Variants in RNH1 observed in about 807,000 individuals in gnomAD.
RNH1 encodes the protein ribonuclease/angiogenin inhibitor 1.
RNH1 carries 38 observed loss-of-function variants against 46.1 expected under a neutral mutation model. That is an observed-to-expected ratio of 0.82 (90% CI 0.64 to 1.08). RNH1 has a LOEUF of 1.08. Ranked by LOEUF, RNH1 falls within the 50% of genes least tolerant of loss-of-function variation. The pLI, the probability that RNH1 is intolerant of heterozygous loss-of-function variation, is 0.00. For missense variants in RNH1, 577 were observed against 590.7 expected (o/e 0.98, Z 0.24); for synonymous variants, 319 against 279.1 (o/e 1.14, Z -1.43).
At position 498,085 on chromosome 11, in the gene RNH1, G is replaced by A. The variant is rs1201199286; in HGVS notation, c.1013C>T (p.Ala338Val). The change falls in exon 9 of 11, where the codon GCC becomes GTC. Residue 338 changes from alanine (A) to valine (V), a missense_variant. Ala to Val is a moderately conservative substitution (Grantham distance 64). Coordinates refer to ENST00000354420, the MANE Select transcript of RNH1 (RefSeq NM_203387.3). ...ACCSHFSSVL[A>V]QNRFLLELQI... ...TAGCTCCAGGAGAAACCTGTTCTGG[G>A]CCAGCACTGAGCTGAAGTGGGAGCA... The A allele has an allele frequency of 1.6e-5, 26 of 1,613,992 alleles. No individual in the cohort carries two copies. Among genetic ancestry groups the A allele is most frequent in the Non-Finnish European group, 2.1e-5 (25 of 1,180,052 alleles).
rs1195154964 is a variant in RNH1, at chr11:502,568, G to C, written c.-87-319C>G. 4.0e-6 allele frequency: 1 copy of C among 250,522 alleles called. No individual in the cohort carries two copies. The highest frequency in any genetic ancestry group is 8.0e-6 in the Non-Finnish European group (1 of 124,788). The allele number at this position is 250,522 out of a possible 1,614,324, so 15.5% of individuals were successfully genotyped here. A position where few individuals can be genotyped will look rare whatever the true frequency, so the allele number is the denominator to read the frequency against. ...CTTGGGCAAGGACAGGGTAGGGTGG[G>C]GTGGTCTGTGAGCCTGGAGGCCCCA... On this transcript the variant is annotated intron_variant, in intron 2 of 10. Transcript: ENST00000354420. The surrounding 1 kb of genome is among the most constrained non-coding windows in gnomAD (Gnocchi z 5.8).
Position 501,836 on chromosome 11 carries a change from G to A in RNH1, c.101+226C>T, listed in dbSNP as rs982946432. On this transcript the variant is annotated intron_variant, in intron 3 of 10. Coordinates refer to ENST00000354420, the MANE Select transcript of RNH1 (RefSeq NM_203387.3). This position sits in a 1 kb window ranked among gnomAD's most constrained non-coding sequence, Gnocchi z 4.1. ...CCACTGGCCAGTGGCCGCCCACCTC[G>A]GCCCGCCCACCTCAGCCCATGCTGC... 88 of 556,078 alleles carry A rather than the reference G, an allele frequency of 1.6e-4. No homozygotes were observed. In the Admixed American group the frequency reaches 2.3e-3, roughly 14 times the overall value. 34.4% of individuals were successfully genotyped at this position (556,078 alleles called of 1,614,324 possible).
intron 5 of RNH1, chr11:499,502 TCC>T: frequency 1.4e-6 from 1 of 694,624 alleles, no homozygotes; most frequent in Non-Finnish European, 2.6e-6. Flanking sequence ...AATGGCCGGG[TCC>T]CCCACACACA....
chr11:502,368 G>A lies in RNH1; in HGVS notation c.-87-119C>T, dbSNP rs990203662. 3.3e-5 allele frequency: 20 copies of A among 604,152 alleles called. 1 individual carries two copies. Among genetic ancestry groups the A allele is most frequent in the South Asian group, 2.7e-4 (14 of 52,424 alleles). The allele number at this position is 604,152 out of a possible 1,614,324, so 37.4% of individuals were successfully genotyped here. A position where few individuals can be genotyped will look rare whatever the true frequency, so the allele number is the denominator to read the frequency against. On this transcript the variant is annotated intron_variant, in intron 2 of 10. Transcript: ENST00000354420. The surrounding 1 kb of genome is among the most constrained non-coding windows in gnomAD (Gnocchi z 5.8). ...CTCTGGAGCAGACATCAGGGGTGGG[G>A]CAGGGGGCAGGGACCAGCACCCACC...
At chr11:497,671 ACGTGCTCACCCATGTGCT>A (rs1565020105) in intron 9 of RNH1, among the ~76,000 whole-genome samples, 1 of 109,312 alleles carries the variant, frequency 9.1e-6, no homozygotes, top group Non-Finnish European at 1.9e-5. Flanking sequence ...GCTCACACAC[ACGTGCTCACCCATGTGCT>A]CACACACGGA....
intron 9 of RNH1, 61 bp downstream of exon 9, chr11:497,910 G>A (rs534678727): frequency 6.4e-7 from 1 of 1,559,354 alleles, no homozygotes; most frequent in Non-Finnish European, 8.7e-7. Context: ...TCTCGCCCTT[G>A]TGTGCACACA....
Position 499,653 on chromosome 11 carries a change from G to C in RNH1, c.443+176C>G, listed in dbSNP as rs569028517. The C allele has an allele frequency of 1.7e-4, 130 of 774,770 alleles. No individual in the cohort carries two copies. In the African/African-American group the frequency reaches 2.5e-3, roughly 15 times the overall value. The allele number at this position is 774,770 out of a possible 1,614,324, so 48.0% of individuals were successfully genotyped here. A position where few individuals can be genotyped will look rare whatever the true frequency, so the allele number is the denominator to read the frequency against. ...ATCCCCCCAGCCCCAGCATCATGGG[G>C]AGAGGAGAGCACCACAAGGCCCCAG... On this transcript the variant is annotated intron_variant, in intron 5 of 10. Transcript: ENST00000354420.
intron 9 of RNH1, 42 bp downstream of exon 9, chr11:497,929 T>C: frequency 1.3e-6 from 2 of 1,587,920 alleles, no homozygotes. Flanking sequence ...CACGGGCATA[T>C]GATCTCCCAA....
At position 498,615 on chromosome 11, in the gene RNH1, A is replaced by G. The variant is rs2133890188; in HGVS notation, c.798T>C (p.Cys266=). ...CCCCGCAGCCCTTGGCAGTGATGCCACACTCCCAGATCCTGCAGGACATGG... is the reference window on the plus strand; with the variant it reads ...CCCCGCAGCCCTTGGCAGTGATGCCGCACTCCCAGATCCTGCAGGACATGG... The part of the protein sequence containing the change: ...SRLRTLWIWE[C]GITAKGCGDL... Residue 266 remains cysteine (C), a synonymous_variant, in exon 8 of 11, where the codon TGT becomes TGC. Transcript: ENST00000354420. 6.2e-7 allele frequency: 1 copy of G among 1,612,420 alleles called. No individual in the cohort carries two copies. The highest frequency in any genetic ancestry group is 8.5e-7 in the Non-Finnish European group (1 of 1,180,002).
Position 497,959 on chromosome 11 carries a change from TCA to T in RNH1, c.1127+10_1127+11del, listed in dbSNP as rs747554530. 6.2e-6 allele frequency: 10 copies of T among 1,610,684 alleles called. No individual in the cohort carries two copies. The highest frequency in any genetic ancestry group is 1.7e-4 in the Middle Eastern group (1 of 5,988). On this transcript the variant is annotated intron_variant, in intron 9 of 10. Coordinates refer to ENST00000354420, the MANE Select transcript of RNH1 (RefSeq NM_203387.3). ...TCCCAAATGTGCATACTCGTGTCCCTCACACACTCACCAGAGCACCCGCAGCA... is the reference window on the plus strand; with the variant it reads ...TCCCAAATGTGCATACTCGTGTCCCTCACACTCACCAGAGCACCCGCAGCA...
rs1848859141 is a variant in RNH1, at chr11:494,525, G to C, written c.*166C>G. Reference sequence around the variant, plus strand: ...GACAAGAGCCTCTCCTGCCAAGAAAGTGCTTTAATGATTATAAAGTGTCCA... The same window carrying C: ...GACAAGAGCCTCTCCTGCCAAGAAACTGCTTTAATGATTATAAAGTGTCCA... On this transcript the variant is annotated 3_prime_UTR_variant, in exon 11 of 11. Coordinates refer to ENST00000354420, the MANE Select transcript of RNH1 (RefSeq NM_203387.3). The C allele has an allele frequency of 4.5e-6, 3 of 671,460 alleles. No homozygotes were observed. The East Asian group carries it at 7.7e-5, about 17-fold the overall frequency. 41.6% of individuals were successfully genotyped at this position (671,460 alleles called of 1,614,324 possible). A position where few individuals can be genotyped will look rare whatever the true frequency, so the allele number is the denominator to read the frequency against.
chr11:498,463 G>T lies in RNH1; in HGVS notation c.950C>A (p.Ser317Ter). The change falls in exon 8 of 11, where the codon TCG (serine) becomes TAG (stop). Residue 317 changes from serine to a stop codon, truncating the protein, a stop_gained. Coordinates refer to ENST00000354420, the MANE Select transcript of RNH1 (RefSeq NM_203387.3). LOFTEE classifies it high-confidence loss of function. ...TLLEPGCQLE[S>*]LWVKSCSFTA... ...CCCCGACAGCCACACTCACCACAGC[G>T]ACTCCAGCTGGCAGCCAGGTTCCAG... 1 of 1,612,566 alleles carries T rather than the reference G, an allele frequency of 6.2e-7. No individual in the cohort carries two copies. The highest frequency in any genetic ancestry group is 8.5e-7 in the Non-Finnish European group (1 of 1,179,984).
rs1849449142 is a variant in RNH1, at chr11:499,035, G to T, written c.594C>A (p.Pro198=). Reference sequence around the variant, plus strand: ...CCTACTTGAGCGCCTCCAGCTGGCAGGGGGAGTCCTTCAGGCCCTGGCACA... The same window carrying T: ...CCTACTTGAGCGCCTCCAGCTGGCATGGGGAGTCCTTCAGGCCCTGGCACA... The part of the protein sequence containing the change: ...RVLCQGLKDS[P]CQLEALKLES... Residue 198 remains proline, a synonymous_variant, in exon 6 of 11, where the codon CCC becomes CCA. Transcript: ENST00000354420. 5.0e-6 allele frequency: 8 copies of T among 1,613,216 alleles called. No homozygotes were observed. The highest frequency in any genetic ancestry group is 6.8e-6 in the Non-Finnish European group (8 of 1,179,936).
intron 9 of RNH1, 138 bp downstream of exon 9, chr11:497,831 TCA>T (rs1269803369): frequency 5.9e-6 from 6 of 1,016,442 alleles, no homozygotes; most frequent in Non-Finnish European, 8.6e-6. Flanking sequence ...ACACACGTGC[TCA>T]CACTCGCCTC....
chr11:498,206 C>T, intron 8 of RNH1, 65 bp from the exon 9 acceptor site: 1 of 1,531,138 alleles, frequency 6.5e-7, no homozygotes, highest in Non-Finnish European at 8.8e-7. Flanking sequence ...GCGACTGGCC[C>T]TTCCCCTGAA....
At chr11:506,503 A>T (rs935904441) in intron 1 of RNH1, 3 of 152,174 alleles carry the variant, frequency 2.0e-5, no homozygotes, top group Non-Finnish European at 2.9e-5. Flanking sequence ...CCCAGGCGGC[A>T]GCTTCGCGGC....
chr11:495,706 G>A (rs1056616873), intron 9 of RNH1, among the ~76,000 whole-genome samples: 3 of 152,156 alleles, frequency 2.0e-5, no homozygotes, highest in Non-Finnish European at 2.9e-5. Flanking sequence ...TCCACATCTG[G>A]AACACCCACA....
chr11:499,714 C>T (rs1849560614), intron 5 of RNH1, 115 bp downstream of exon 5: 2 of 1,268,416 alleles, frequency 1.6e-6, no homozygotes, highest in Non-Finnish European at 1.1e-6. Flanking sequence ...CACCACAAGG[C>T]CCCTGTGACC....
chr11:495,970 TGA>T (rs1849017036), intron 9 of RNH1, among the ~76,000 whole-genome samples: 1 of 151,882 alleles, frequency 6.6e-6, no homozygotes, highest in African/African-American at 2.4e-5. Flanking sequence ...GGCTGGTAAA[TGA>T]GAACATCTCC....
Sources: allele counts gnomAD v4.1 joint callset (sites outside exome capture counted in the v4.1 genomes callset), GRCh38; gene constraint gnomAD v4.1.1; non-coding constraint Gnocchi (gnomAD v3.1); transcripts MANE v1.5; gene names NCBI Gene and HGNC (gene_info 2026-07-23, HGNC 2026-07-21).